The following CAPZB variants were observed in gnomAD, a reference collection of about 807,000 sequenced individuals.
CAPZB encodes the protein capping actin protein of muscle Z-line subunit beta, also known as F-actin-capping protein subunit beta.
CAPZB carries 2 observed loss-of-function variants against 38.1 expected under a neutral mutation model. The ratio of observed to expected loss-of-function variants is 0.05; its 90% CI spans 0.02 to 0.17. CAPZB has a LOEUF of 0.17. CAPZB is among the 10% of genes least tolerant of loss of function. The pLI is 1.00. For synonymous variants in CAPZB, 107 were observed against 127.4 expected, an observed-to-expected ratio of 0.84 and a Z score of 1.08; for missense variants, 161 against 334.2, an observed-to-expected ratio of 0.48 and a Z score of 4.04.
chr1:19,392,443 T>C (rs1409053879), intron 2 of CAPZB, among the ~76,000 whole-genome samples: 2 of 146,982 alleles, frequency 1.4e-5, no homozygotes, highest in African/African-American at 5.1e-5. Context: ...GCGGCTGGAG[T>C]GAGACCCAGT....
At chr1:19,448,601 A>G (rs936944990) in intron 1 of CAPZB, among the ~76,000 whole-genome samples, 1 of 152,174 alleles carries the variant, frequency 6.6e-6, no homozygotes, top group Admixed American at 6.5e-5. Context: ...TTTCTTATTC[A>G]ACTGCAGATG....
intron 3 of CAPZB, among the ~76,000 whole-genome samples, chr1:19,384,387 G>C (rs1204068085): frequency 6.6e-6 from 1 of 152,310 alleles, no homozygotes; most frequent in Non-Finnish European, 1.5e-5. Flanking sequence ...TTGTGGGAGA[G>C]CCTTCCCTGC....
At chr1:19,346,107 C>A (rs764476115) in intron 6 of CAPZB, among the ~76,000 whole-genome samples, 1 of 152,132 alleles carries the variant, frequency 6.6e-6, no homozygotes, top group Non-Finnish European at 1.5e-5. Flanking sequence ...AATATAAATT[C>A]TTTCAGGAGA....
intron 1 of CAPZB, among the ~76,000 whole-genome samples, chr1:19,471,679 A>G (rs1338883307): frequency 6.6e-6 from 1 of 152,088 alleles, no homozygotes; most frequent in Non-Finnish European, 1.5e-5. Flanking sequence ...CCTGGCTAAC[A>G]CGGTGAAACC....
At chr1:19,477,209 T>C (rs2094610000) in intron 1 of CAPZB, among the ~76,000 whole-genome samples, 1 of 152,220 alleles carries the variant, frequency 6.6e-6, no homozygotes, top group Non-Finnish European at 1.5e-5. Context: ...CCCTGATGCC[T>C]GTGCCATGAG....
At chr1:19,415,637 A>T (rs927918967) in intron 2 of CAPZB, among the ~76,000 whole-genome samples, 2 of 152,252 alleles carry the variant, frequency 1.3e-5, no homozygotes, top group Non-Finnish European at 1.5e-5. Flanking sequence ...CCCTTATATG[A>T]GCATCGCACG....
At position 19,357,557 on chromosome 1, in the gene CAPZB, A is replaced by G; in HGVS notation, c.336T>C (p.Phe112=). ...GGTAGACAGATGAGACGCCACCTTC[A>G]AAATACCTGCAGGAAACAGGCCAAT... ...NAFDQYRDLY[F]EGGVSSVYLW... is the part of the protein sequence containing the mutation. Residue 112 remains phenylalanine (F), a synonymous_variant, in exon 5 of 9, where the codon TTT becomes TTC. Coordinates refer to ENST00000264202, the MANE Select transcript of CAPZB (RefSeq NM_004930.5). This position sits in a 1 kb window ranked among gnomAD's most constrained non-coding sequence, Gnocchi z 4.3. 6.2e-7 allele frequency: 1 copy of G among 1,614,078 alleles called. No individual in the cohort carries two copies. Among genetic ancestry groups the G allele is most frequent in the South Asian group, 1.1e-5 (1 of 91,080 alleles).
intron 1 of CAPZB, among the ~76,000 whole-genome samples, chr1:19,425,901 T>C (rs1038394553): frequency 6.6e-6 from 1 of 152,206 alleles, no homozygotes; most frequent in African/African-American, 2.4e-5. Context: ...AAACACACCA[T>C]CTACAACAAT....
At chr1:19,471,678 C>T (rs1022526750) in intron 1 of CAPZB, among the ~76,000 whole-genome samples, 6 of 152,070 alleles carry the variant, frequency 3.9e-5, no homozygotes, top group African/African-American at 4.8e-5. Flanking sequence ...TCCTGGCTAA[C>T]ACGGTGAAAC....
chr1:19,362,812 C>T (rs1199334678), intron 4 of CAPZB, among the ~76,000 whole-genome samples: 1 of 152,120 alleles, frequency 6.6e-6, no homozygotes, highest in African/African-American at 2.4e-5. Context: ...ATCAGAGCTC[C>T]CCAGTGGCCA....
At chr1:19,443,265 G>T (rs4911999) in intron 1 of CAPZB, among the ~76,000 whole-genome samples, 66,633 of 151,300 alleles carry the variant, frequency 0.44, 15,129 homozygotes, top group African/African-American at 0.54. Context: ...GCATGGTAGC[G>T]CGTGCCTGTA....
chr1:19,393,267 C>T (rs1246603440), intron 2 of CAPZB, among the ~76,000 whole-genome samples: 3 of 152,230 alleles, frequency 2.0e-5, no homozygotes, highest in East Asian at 1.9e-4. Context: ...AAGTCACACC[C>T]GGGTGGCCAA....
intron 2 of CAPZB, among the ~76,000 whole-genome samples, 196 bp downstream of exon 2, chr1:19,419,465 C>A (rs977747808): frequency 6.6e-6 from 1 of 152,198 alleles, no homozygotes; most frequent in Admixed American, 6.5e-5. Context: ...TTCAACAACA[C>A]AGATGGTTCT....
At chr1:19,385,733 G>A in intron 2 of CAPZB, 107 bp from the exon 3 acceptor site, 2 of 1,376,672 alleles carry the variant, frequency 1.5e-6, no homozygotes, top group South Asian at 1.2e-5. Flanking sequence ...TTAACATCTG[G>A]CCCTGGGCAC....
At chr1:19,415,904 C>T (rs72965259) in intron 2 of CAPZB, among the ~76,000 whole-genome samples, 8,463 of 152,296 alleles carry the variant, frequency 0.056, 759 homozygotes, top group African/African-American at 0.19. Context: ...AAAAGTCATG[C>T]TCCATTTCCA....
intron 2 of CAPZB, among the ~76,000 whole-genome samples, chr1:19,415,431 T>C (rs972775541): frequency 6.6e-6 from 1 of 152,234 alleles, no homozygotes; most frequent in Non-Finnish European, 1.5e-5. Flanking sequence ...TAAAACTGCA[T>C]GTGAACTTCA....
intron 2 of CAPZB, among the ~76,000 whole-genome samples, chr1:19,404,127 G>A (rs973045206): frequency 2.0e-5 from 3 of 151,240 alleles, no homozygotes; most frequent in African/African-American, 7.3e-5. Flanking sequence ...CAGCTACTCG[G>A]GAGGCTGAAG....
rs367569556 is a variant in CAPZB, at chr1:19,343,248, C to T, written c.731+1110G>A. Among the ~76,000 whole-genome samples the T allele has an allele frequency of 8.5e-5, 13 of 152,338 alleles. 2 individuals are homozygous for T. On this transcript the variant is annotated intron_variant, in intron 8 of 8. Coordinates refer to ENST00000264202, the MANE Select transcript of CAPZB (RefSeq NM_004930.5). ...CACAGGTCACGAAGACCAAGCCTCC[C>T]CCAGGTGGGCAGGGGATCAGAAGAC... is the stretch of plus-strand genomic sequence containing the variant.
intron 1 of CAPZB, among the ~76,000 whole-genome samples, chr1:19,455,742 A>G (rs2094531093): frequency 6.6e-6 from 1 of 152,184 alleles, no homozygotes; most frequent in South Asian, 2.1e-4. Context: ...GGTCCTTCCA[A>G]AAGAGCTGGC....
Sources: gnomAD v4.1 joint callset for allele counts (sites outside exome capture counted in the v4.1 genomes callset) on GRCh38, gnomAD v4.1.1 for gene constraint, Gnocchi (gnomAD v3.1) non-coding constraint, MANE v1.5 for transcripts, NCBI Gene and HGNC (gene_info 2026-07-23, HGNC 2026-07-21) for gene names.